Variants in TMEM132D observed in about 807,000 individuals in gnomAD.
The protein encoded by TMEM132D is mature OL transmembrane protein.
Under a neutral mutation model 62.3 loss-of-function variants are expected in TMEM132D, and 21 were observed. The ratio of observed to expected loss-of-function variants is 0.34; its 90% CI spans 0.24 to 0.49. The LOEUF is 0.49. TMEM132D is among the 20% of genes least tolerant of loss of function. The probability of loss-of-function intolerance (pLI) is 0.99; values close to 1 mark genes in which losing one functional copy is unlikely to be tolerated. For synonymous variants in TMEM132D, 621 were observed against 575.6 expected (o/e 1.08, Z -1.13); for missense variants, 1,346 against 1,402.8 (o/e 0.96, Z 0.65).
intron 4 of TMEM132D, among the ~76,000 whole-genome samples, chr12:129,319,121 G>T (rs903347083): frequency 6.6e-6 from 1 of 152,182 alleles, no homozygotes; most frequent in African/African-American, 2.4e-5. Flanking sequence ...TGGCCAGGAG[G>T]CTTCTCGCCC....
intron 3 of TMEM132D, among the ~76,000 whole-genome samples, chr12:129,411,899 T>G (rs1871978579): frequency 6.6e-6 from 1 of 152,252 alleles, no homozygotes; most frequent in South Asian, 2.1e-4. Flanking sequence ...CTTTCTTTCC[T>G]ATATTGCATA....
At chr12:129,776,240 G>T (rs1870917829) in intron 1 of TMEM132D, among the ~76,000 whole-genome samples, 1 of 152,004 alleles carries the variant, frequency 6.6e-6, no homozygotes, top group Admixed American at 6.5e-5. Flanking sequence ...TAACCACACG[G>T]ACGTGAACCC....
intron 5 of TMEM132D, among the ~76,000 whole-genome samples, chr12:129,151,312 A>C (rs796760468): frequency 4.6e-5 from 7 of 152,242 alleles, no homozygotes; most frequent in African/African-American, 1.7e-4. Flanking sequence ...GACATTGGAG[A>C]GAAGTGAGCC....
rs1320179805 is a variant in TMEM132D at position 129,700,413 on chromosome 12, T to G, written c.365A>C (p.Lys122Thr). ...TTTTAGTTTCCAGTTAAGAGAAAATTTGTTGGTGAATCCAAATGGGTTGGA... is the reference window on the plus strand; with the variant it reads ...TTTTAGTTTCCAGTTAAGAGAAAATGTGTTGGTGAATCCAAATGGGTTGGA... The part of the protein sequence containing the change: ...LPSNPFGFTN[K>T]FSLNWKLKAH... Residue 122 changes from lysine (K) to threonine (T), a missense_variant, in exon 2 of 9, where the codon AAA (lysine) becomes ACA (threonine). Physicochemically the swap from Lys to Thr is moderately conservative, Grantham distance 78. Transcript: ENST00000422113. The G allele has an allele frequency of 6.2e-7, 1 of 1,614,072 alleles. No individual in the cohort carries two copies. Among genetic ancestry groups the G allele is most frequent in the Non-Finnish European group, 8.5e-7 (1 of 1,180,026 alleles).
At chr12:129,524,254 A>G (rs1875944224) in intron 3 of TMEM132D, among the ~76,000 whole-genome samples, 1 of 152,038 alleles carries the variant, frequency 6.6e-6, no homozygotes, top group African/African-American at 2.4e-5. Flanking sequence ...AAAAATAAAA[A>G]GGTGAAAAAA....
chr12:129,514,717 C>T (rs1414887025), intron 3 of TMEM132D, among the ~76,000 whole-genome samples: 1 of 152,160 alleles, frequency 6.6e-6, no homozygotes, highest in Non-Finnish European at 1.5e-5. Flanking sequence ...GCTGCAATTT[C>T]ACTGTGTGAA....
At chr12:129,114,444 C>G (rs995582782) in intron 5 of TMEM132D, among the ~76,000 whole-genome samples, 1 of 151,748 alleles carries the variant, frequency 6.6e-6, no homozygotes, top group African/African-American at 2.4e-5. Context: ...TCCCTCCCTC[C>G]CTTTTCTTTT....
In TMEM132D at chr12:129,581,077, T is replaced by A. The variant is rs144575695; in HGVS notation, c.969-49872A>T. Among the ~76,000 whole-genome samples the A allele has an allele frequency of 7.9e-3, 1,199 of 152,322 alleles. 10 individuals are homozygous for A. Among genetic ancestry groups the A allele is most frequent in the African/African-American group, 0.024 (987 of 41,566 alleles). Reference sequence around the variant, plus strand: ...GCCGGCAGGGGTCATGGTGGCTTGGTGTCATCCTTGCAGTATTGAGTGAGT... The same window carrying A: ...GCCGGCAGGGGTCATGGTGGCTTGGAGTCATCCTTGCAGTATTGAGTGAGT... On this transcript the variant is annotated intron_variant, in intron 2 of 8. Transcript: ENST00000422113.
chr12:129,117,393 C>T (rs1487080162), intron 5 of TMEM132D, among the ~76,000 whole-genome samples: 1 of 152,072 alleles, frequency 6.6e-6, no homozygotes, highest in Non-Finnish European at 1.5e-5. Flanking sequence ...CTAGACTGTA[C>T]AACACAAAGT....
At chr12:129,091,542 C>A (rs980705346) in intron 5 of TMEM132D, among the ~76,000 whole-genome samples, 1 of 151,818 alleles carries the variant, frequency 6.6e-6, no homozygotes, top group African/African-American at 2.4e-5. Flanking sequence ...GCTCTGGGGA[C>A]TTTACCTAAG....
intron 1 of TMEM132D, among the ~76,000 whole-genome samples, chr12:129,752,355 T>C (rs1870027374): frequency 6.6e-6 from 1 of 152,238 alleles, no homozygotes; most frequent in African/African-American, 2.4e-5. Flanking sequence ...TTGTGAATAC[T>C]ATTCCTCTCT....
intron 1 of TMEM132D, among the ~76,000 whole-genome samples, chr12:129,743,800 G>C (rs138916139): frequency 6.6e-6 from 1 of 152,286 alleles, no homozygotes; most frequent in African/African-American, 2.4e-5. Flanking sequence ...TGATGAAAGA[G>C]GGGACATCAT....
At position 129,169,378 on chromosome 12, in the gene TMEM132D, G is replaced by A. The variant is rs557374931; in HGVS notation, c.1443+40142C>T. Among the ~76,000 whole-genome samples, 253 of 152,298 alleles carry A rather than the reference G, an allele frequency of 1.7e-3. 2 individuals are homozygous for A. The highest frequency in any genetic ancestry group is 5.9e-3 in the African/African-American group (245 of 41,554). On this transcript the variant is annotated intron_variant, in intron 5 of 8. Transcript: ENST00000422113. ...TGAATGGTGTGAGGATGTTGTGGCT[G>A]GAGCTATGGCAGCCATCATGTGACA...
At chr12:129,774,120 G>A (rs1032460749) in intron 1 of TMEM132D, among the ~76,000 whole-genome samples, 2 of 152,154 alleles carry the variant, frequency 1.3e-5, no homozygotes, top group African/African-American at 4.8e-5. Flanking sequence ...TCAGTTCTGT[G>A]GATGAGAATT....
chr12:129,677,042 A>T (rs1880648581), intron 2 of TMEM132D, among the ~76,000 whole-genome samples: 1 of 152,168 alleles, frequency 6.6e-6, no homozygotes, highest in Admixed American at 6.5e-5. Context: ...ACATAACCGA[A>T]GTCCCTTTAT....
chr12:129,635,713 T>C (rs1159935095), intron 2 of TMEM132D, among the ~76,000 whole-genome samples: 1 of 152,172 alleles, frequency 6.6e-6, no homozygotes, highest in East Asian at 1.9e-4. Context: ...GAAATAGTAT[T>C]GAGGAAAAGA....
intron 4 of TMEM132D, among the ~76,000 whole-genome samples, chr12:129,285,272 ACTT>A (rs1418573242): frequency 6.6e-6 from 1 of 151,702 alleles, no homozygotes; most frequent in African/African-American, 2.4e-5. Context: ...TAATCTCAGC[ACTT>A]TGGGAGGCCA....
At chr12:129,545,309 A>G (rs1035632785) in intron 2 of TMEM132D, among the ~76,000 whole-genome samples, 3 of 152,084 alleles carry the variant, frequency 2.0e-5, no homozygotes, top group African/African-American at 2.4e-5. Flanking sequence ...CTGAAGCAAG[A>G]TCTATGCCTG....
At chr12:129,367,891 T>C (rs1422015255) in intron 3 of TMEM132D, among the ~76,000 whole-genome samples, 3 of 150,962 alleles carry the variant, frequency 2.0e-5, no homozygotes, top group Non-Finnish European at 4.4e-5. Context: ...GTGCAAGTAA[T>C]TCTCCTGCCT....
Sources: allele counts gnomAD v4.1 joint callset (sites outside exome capture counted in the v4.1 genomes callset), GRCh38; gene constraint gnomAD v4.1.1; transcripts MANE v1.5; gene names NCBI Gene and HGNC (gene_info 2026-07-23, HGNC 2026-07-21).